Variants in NIPSNAP1 observed in about 807,000 individuals in gnomAD.
The protein encoded by NIPSNAP1 is protein NipSnap homolog 1.
Under a neutral mutation model 49.2 loss-of-function variants are expected in NIPSNAP1, and 25 were observed. The observed-to-expected ratio is 0.51, with a 90% CI of 0.37 to 0.71. The LOEUF (loss-of-function observed/expected upper bound fraction) is 0.71. NIPSNAP1 is among the 30% of genes least tolerant of loss of function. NIPSNAP1 has a pLI of 0.00. For missense variants in NIPSNAP1, 294 were observed against 361.0 expected (o/e 0.81, Z 1.50); for synonymous variants, 143 against 140.7 (o/e 1.02, Z -0.12).
Position 29,581,033 on chromosome 22 carries a change from C to A in NIPSNAP1, c.50G>T (p.Gly17Val), listed in dbSNP as rs1029824190. The A allele has an allele frequency of 1.3e-6, 2 of 1,538,278 alleles. No homozygotes were observed. The highest frequency in any genetic ancestry group is 1.7e-6 in the Non-Finnish European group (2 of 1,145,398). Residue 17 changes from glycine to valine, a missense_variant, in exon 1 of 10, where the codon GGG becomes GTG. Physicochemically the swap from Gly to Val is moderately radical, Grantham distance 109. Transcript: ENST00000216121. Reference protein sequence around the residue: ...SISVTARRLLGGPGPRAGDVA... With the variant: ...SISVTARRLLVGPGPRAGDVA... Reference sequence around the variant, plus strand: ...GTCCCCAGCGCGAGGCCCCGGGCCCCCCAGCAGCCGCCGCGCCGTCACAGA... The same window carrying A: ...GTCCCCAGCGCGAGGCCCCGGGCCCACCAGCAGCCGCCGCGCCGTCACAGA...
Position 29,555,292 on chromosome 22 carries a change from C to T in NIPSNAP1, c.*643G>A, listed in dbSNP as rs1022964103. ...AGTTCTGAATTCTAAGTTCTACCTT[C>T]CGAGTTCCTGTTACGTGTCTGTCTC... On this transcript the variant is annotated 3_prime_UTR_variant, in exon 10 of 10. Transcript: ENST00000216121. 6.5e-6 allele frequency: 1 copy of T among 153,180 alleles called. No individual in the cohort carries two copies. Among genetic ancestry groups the T allele is most frequent in the Admixed American group, 6.5e-5 (1 of 15,412 alleles). The allele number at this position is 153,180 out of a possible 1,614,324, so 9.5% of individuals were successfully genotyped here.
chr22:29,578,337 A>C (rs1421601011), intron 1 of NIPSNAP1, among the ~76,000 whole-genome samples: 1 of 150,942 alleles, frequency 6.6e-6, no homozygotes, highest in Non-Finnish European at 1.5e-5. Flanking sequence ...TGCCTGGCCA[A>C]ATTTTTGTAT....
intron 1 of NIPSNAP1, among the ~76,000 whole-genome samples, chr22:29,579,289 CTTTT>C (rs34084606): frequency 1.7e-5 from 1 of 57,374 alleles, no homozygotes; most frequent in Admixed American, 2.5e-4. Context: ...AATTTTTGTA[CTTTT>C]TTTTTTTTTT....
At chr22:29,562,455 T>C (rs2064342208) in intron 4 of NIPSNAP1, among the ~76,000 whole-genome samples, 1 of 152,214 alleles carries the variant, frequency 6.6e-6, no homozygotes, top group Non-Finnish European at 1.5e-5. Flanking sequence ...GGCTCACACC[T>C]GTAATCCCAG....
intron 1 of NIPSNAP1, chr22:29,580,035 G>A: frequency 1.6e-6 from 2 of 1,253,760 alleles, no homozygotes; most frequent in Non-Finnish European, 2.1e-6. Context: ...TTCCTGGGCT[G>A]CAGGGCAGGA....
chr22:29,558,245 G>A (rs1282755272), intron 9 of NIPSNAP1, among the ~76,000 whole-genome samples: 7 of 152,122 alleles, frequency 4.6e-5, no homozygotes, highest in South Asian at 2.1e-4. Context: ...CGAGGCAGGC[G>A]GATCACCTGA....
At chr22:29,580,667 C>G (rs1306878078) in intron 1 of NIPSNAP1, among the ~76,000 whole-genome samples, 1 of 152,152 alleles carries the variant, frequency 6.6e-6, no homozygotes, top group Admixed American at 6.5e-5. Context: ...TGTTAAATCA[C>G]AAGCTACGCC....
In NIPSNAP1 at chr22:29,581,094, A is replaced by C; in HGVS notation, c.-12T>G. 6.5e-7 allele frequency: 1 copy of C among 1,540,938 alleles called. No homozygotes were observed. The highest frequency in any genetic ancestry group is 1.2e-5 in the South Asian group (1 of 83,906). On this transcript the variant is annotated 5_prime_UTR_variant, in exon 1 of 10. Coordinates refer to ENST00000216121, the MANE Select transcript of NIPSNAP1 (RefSeq NM_003634.4). ...AGCCGCGGAGCCATGTTGGAGCCGC[A>C]AAGGTTGCAGGAAGGCCCCGCCCCC...
chr22:29,555,777 G>A lies in NIPSNAP1; in HGVS notation c.*158C>T. ...GGCCTGGGCAGAGCTGTAATCCTCA[G>A]AACTTGTCAGCCTTCAGTTCCCCCT... On this transcript the variant is annotated 3_prime_UTR_variant, in exon 10 of 10. Transcript: ENST00000216121. 2 of 717,536 alleles carry A rather than the reference G, an allele frequency of 2.8e-6. No homozygotes were observed. The highest frequency in any genetic ancestry group is 5.1e-6 in the Non-Finnish European group (2 of 394,124). 44.4% of individuals were successfully genotyped at this position (717,536 alleles called of 1,614,324 possible). A position where few individuals can be genotyped will look rare whatever the true frequency, so the allele number is the denominator to read the frequency against.
At position 29,570,389 on chromosome 22, in the gene NIPSNAP1, C is replaced by T. The variant is rs1207090696; in HGVS notation, c.226+16G>A. 6.2e-7 allele frequency: 1 copy of T among 1,613,956 alleles called. No individual in the cohort carries two copies. Among genetic ancestry groups the T allele is most frequent in the Middle Eastern group, 1.7e-4 (1 of 5,900 alleles). On this transcript the variant is annotated intron_variant, in intron 2 of 9. Coordinates refer to ENST00000216121, the MANE Select transcript of NIPSNAP1 (RefSeq NM_003634.4). ...CCCTGAAAGGGCAGAAATTGGTCAG[C>T]TCAGCAGCCACTCACACTGGATCTT...
chr22:29,558,604 G>A (rs469230), intron 9 of NIPSNAP1, among the ~76,000 whole-genome samples: 120,569 of 152,122 alleles, frequency 0.79, 48,194 homozygotes, highest in African/African-American at 0.87. Flanking sequence ...GTAAAGAACC[G>A]TGCCCAAGGT....
At chr22:29,576,924 CAAA>C (rs752686776) in intron 1 of NIPSNAP1, among the ~76,000 whole-genome samples, 2 of 103,372 alleles carry the variant, frequency 1.9e-5, no homozygotes. Context: ...GACTCCGTCT[CAAA>C]AAAAAAAAAA....
chr22:29,569,748 G>A (rs1034734255), intron 3 of NIPSNAP1: 5 of 333,128 alleles, frequency 1.5e-5, no homozygotes, highest in African/African-American at 8.6e-5. Context: ...CCCAGCACTC[G>A]GAGGCCGAGG....
Position 29,569,297 on chromosome 22 carries a change from A to G in NIPSNAP1, c.273-10T>C. The G allele has an allele frequency of 6.2e-7, 1 of 1,605,990 alleles. No individual in the cohort carries two copies. The highest frequency in any genetic ancestry group is 8.5e-7 in the Non-Finnish European group (1 of 1,173,082). On this transcript the variant is annotated splice_polypyrimidine_tract_variant and intron_variant, in intron 3 of 9. Transcript: ENST00000216121. ...GGGCAGCACAGCCTCCCTGTGGGGG[A>G]GGTGCAGAGAGGGGCAGGGTTCACA...
intron 1 of NIPSNAP1, among the ~76,000 whole-genome samples, chr22:29,576,079 C>T (rs1457755573): frequency 1.3e-5 from 2 of 148,538 alleles, no homozygotes; most frequent in East Asian, 2.0e-4. Context: ...AGTGCAGTGG[C>T]GTAATCTCAG....
At chr22:29,561,338 C>G (rs375842229) in intron 6 of NIPSNAP1, 136 bp from the exon 7 acceptor site, 16 of 1,421,052 alleles carry the variant, frequency 1.1e-5, no homozygotes, top group Non-Finnish European at 1.5e-5. Flanking sequence ...ATTCGCAGGC[C>G]CTGACACACA....
chr22:29,576,184 A>G (rs2064450963), intron 1 of NIPSNAP1, among the ~76,000 whole-genome samples: 1 of 149,746 alleles, frequency 6.7e-6, no homozygotes, highest in South Asian at 2.1e-4. Context: ...ACACCCGGCT[A>G]ATTTTTGTAT....
rs753797114 is a variant in NIPSNAP1, at chr22:29,569,238, G to C, written c.322C>G (p.Leu108Val). ...TACCACGTGTTCCAGTTGCCCACGA[G>C]TGAGCATGGGTAGTCCTCATCCAGG... ...LHLDEDYPCS[L>V]VGNWNTWYGE... Residue 108 changes from leucine to valine, a missense_variant, in exon 4 of 10, where the codon CTC becomes GTC. Leu to Val is a conservative substitution (Grantham distance 32). Around this residue, in one of 4 missense-constraint regions of NIPSNAP1, gnomAD observed 55 missense variants for 46.2 expected, o/e 1.19. Transcript: ENST00000216121. The C allele has an allele frequency of 6.2e-7, 1 of 1,614,076 alleles. No individual in the cohort carries two copies. The highest frequency in any genetic ancestry group is 1.7e-5 in the Admixed American group (1 of 59,994).
chr22:29,573,871 G>A (rs1156314663), intron 1 of NIPSNAP1, among the ~76,000 whole-genome samples: 4 of 151,910 alleles, frequency 2.6e-5, no homozygotes, highest in South Asian at 2.1e-4. Context: ...CCCAGGAGGC[G>A]TAGGTTGCAG....
Sources: allele counts gnomAD v4.1 joint callset (sites outside exome capture counted in the v4.1 genomes callset), GRCh38; gene constraint gnomAD v4.1.1; regional missense constraint gnomAD v4.1.1; transcripts MANE v1.5; gene names NCBI Gene and HGNC (gene_info 2026-07-23, HGNC 2026-07-21).